Variants in SUPT16H observed in about 807,000 individuals in gnomAD.
The protein encoded by SUPT16H is FACT complex subunit SPT16.
A neutral mutation model predicts 136.2 loss-of-function variants in SUPT16H; 24 were observed. The ratio of observed to expected loss-of-function variants is 0.18; its 90% CI spans 0.13 to 0.25. The LOEUF is 0.25. Among genes scored for constraint, SUPT16H ranks in the 10% least tolerant of loss-of-function variants. The pLI, the probability that SUPT16H is intolerant of heterozygous loss-of-function variation, is 1.00. For missense variants in SUPT16H, 623 were observed against 1,270.2 expected (o/e 0.49, Z 7.74); for synonymous variants, 415 against 428.2 (o/e 0.97, Z 0.38).
chr14:21,363,387 A>T lies in SUPT16H; in HGVS notation c.1299+51T>A, dbSNP rs74034913. ...TTAATTATTTTAGCCAATATTATTT[A>T]ACTTCTTTATATCCTAAACTTCCTA... On this transcript the variant is annotated intron_variant, in intron 11 of 25. Coordinates refer to ENST00000216297, the MANE Select transcript of SUPT16H (RefSeq NM_007192.4). 6.7e-4 allele frequency: 1,084 copies of T among 1,607,134 alleles called. 4 individuals carry two copies. In the African/African-American group the frequency reaches 0.013, roughly 20 times the overall value.
In SUPT16H at chr14:21,353,857, A is replaced by G. The variant is rs1555308557; in HGVS notation, c.2791-25T>C. The G allele has an allele frequency of 1.3e-5, 20 of 1,581,348 alleles. No individual in the cohort carries two copies. The East Asian group carries it at 4.3e-4, about 34-fold the overall frequency. Reference sequence around the variant, plus strand: ...CCTGGTGAGTTAGAGCATAATACTGATTTTTTTTTGACATTTACCTTATTA... The same window carrying G: ...CCTGGTGAGTTAGAGCATAATACTGGTTTTTTTTTGACATTTACCTTATTA... On this transcript the variant is annotated intron_variant, in intron 23 of 25. Coordinates refer to ENST00000216297, the MANE Select transcript of SUPT16H (RefSeq NM_007192.4).
chr14:21,365,245 G>A (rs1886641142), intron 8 of SUPT16H, 102 bp from the exon 9 acceptor site: 1 of 1,144,482 alleles, frequency 8.7e-7, no homozygotes, highest in East Asian at 2.5e-5. Context: ...AGGCAAACAT[G>A]TTTGAAATGA....
At chr14:21,377,209 C>T (rs1886921642) in intron 1 of SUPT16H, among the ~76,000 whole-genome samples, 1 of 151,960 alleles carries the variant, frequency 6.6e-6, no homozygotes, top group African/African-American at 2.4e-5. Flanking sequence ...AAATAATGCA[C>T]CATCCTAGGA....
intron 8 of SUPT16H, 114 bp downstream of exon 8, chr14:21,366,325 T>C (rs973864486): frequency 9.5e-6 from 9 of 945,478 alleles, no homozygotes; most frequent in Non-Finnish European, 1.5e-5. Context: ...ATAGTATAGT[T>C]TGCTAGTCCA....
chr14:21,358,489 A>C, intron 19 of SUPT16H, 62 bp from the exon 20 acceptor site: 2 of 1,160,760 alleles, frequency 1.7e-6, no homozygotes, highest in Non-Finnish European at 1.3e-6. Flanking sequence ...TCCCCTCAAA[A>C]AGTCTGAAGT....
chr14:21,352,965 T>C (rs566594228), intron 25 of SUPT16H, 147 bp from the exon 26 acceptor site: 1 of 1,093,626 alleles, frequency 9.1e-7, no homozygotes, highest in Non-Finnish European at 1.3e-6. Context: ...CTTGGTTTAT[T>C]TACAAAAGGG....
At chr14:21,361,277 A>G (rs749889284) in intron 15 of SUPT16H, 64 bp from the exon 16 acceptor site, 4 of 1,504,208 alleles carry the variant, frequency 2.7e-6, no homozygotes, top group African/African-American at 1.5e-5. Context: ...GTACTGATTT[A>G]CTTTATCTTC....
intron 7 of SUPT16H, among the ~76,000 whole-genome samples, chr14:21,367,611 T>C (rs1392558636): frequency 6.6e-6 from 1 of 152,216 alleles, no homozygotes; most frequent in East Asian, 1.9e-4. Flanking sequence ...TCGTATCGTT[T>C]TGATGTAGGA....
chr14:21,361,038 C>T (rs768875506), intron 16 of SUPT16H, 40 bp downstream of exon 16: 1 of 1,611,020 alleles, frequency 6.2e-7, no homozygotes, highest in East Asian at 2.2e-5. Context: ...AATACATGTC[C>T]TTCTTTGTGT....
rs368579784 is a variant in SUPT16H, at chr14:21,352,829, G to A, written c.2999-11C>T. The A allele has an allele frequency of 6.2e-7, 1 of 1,614,014 alleles. No individual in the cohort carries two copies. Among genetic ancestry groups the A allele is most frequent in the Non-Finnish European group, 8.5e-7 (1 of 1,179,998 alleles). On this transcript the variant is annotated splice_polypyrimidine_tract_variant and intron_variant, in intron 25 of 25. Transcript: ENST00000216297. Reference sequence around the variant, plus strand: ...GACTTTCTCGGTCCGCTAAATAGAAGAGGCATTATTAGTTAGCAATAGGTA... The same window carrying A: ...GACTTTCTCGGTCCGCTAAATAGAAAAGGCATTATTAGTTAGCAATAGGTA...
In SUPT16H at chr14:21,366,424, G is replaced by C. The variant is rs1349171851; in HGVS notation, c.1046+15C>G. The C allele has an allele frequency of 6.2e-7, 1 of 1,610,862 alleles. No individual in the cohort carries two copies. The highest frequency in any genetic ancestry group is 1.7e-5 in the Admixed American group (1 of 59,508). On this transcript the variant is annotated intron_variant, in intron 8 of 25. Coordinates refer to ENST00000216297, the MANE Select transcript of SUPT16H (RefSeq NM_007192.4). ...GAAAACTGACTCAAGAATGACAATA[G>C]ACATCATGGCATACCCTAGGTTTTT...
chr14:21,372,847 A>C (rs1237518211), intron 2 of SUPT16H: 9 of 338,828 alleles, frequency 2.7e-5, no homozygotes, highest in Non-Finnish European at 5.7e-6. Context: ...AATCCAATTG[A>C]ACTTTATGTG....
chr14:21,363,019 A>G lies in SUPT16H; in HGVS notation c.1511+15T>C. The G allele has an allele frequency of 6.2e-7, 1 of 1,614,044 alleles. No homozygotes were observed. Among genetic ancestry groups the G allele is most frequent in the Non-Finnish European group, 8.5e-7 (1 of 1,180,006 alleles). Reference sequence around the variant, plus strand: ...GAACCCTCAGATGATCTCACTGCTCAGTGAAAACTCTTACTTCTGAATCTG... The same window carrying G: ...GAACCCTCAGATGATCTCACTGCTCGGTGAAAACTCTTACTTCTGAATCTG... On this transcript the variant is annotated intron_variant, in intron 13 of 25. Coordinates refer to ENST00000216297, the MANE Select transcript of SUPT16H (RefSeq NM_007192.4).
chr14:21,365,001 T>G (rs1318585731), intron 9 of SUPT16H, 62 bp from the exon 10 acceptor site: 1 of 1,606,388 alleles, frequency 6.2e-7, no homozygotes, highest in Non-Finnish European at 8.5e-7. Context: ...GTGAGACATA[T>G]GCCTAAAAGA....
intron 1 of SUPT16H, chr14:21,383,650 G>A (rs1389259485): frequency 4.2e-6 from 3 of 713,650 alleles, no homozygotes; most frequent in South Asian, 1.5e-5. Flanking sequence ...GGGGAAGATG[G>A]TGATGGCCGC....
intron 18 of SUPT16H, 87 bp downstream of exon 18, chr14:21,360,328 C>G: frequency 9.0e-7 from 1 of 1,112,988 alleles, no homozygotes. Context: ...GCGCCCAGCC[C>G]TTTCATCACT....
At chr14:21,371,105 G>A (rs1396359480) in intron 3 of SUPT16H, among the ~76,000 whole-genome samples, 1 of 151,430 alleles carries the variant, frequency 6.6e-6, no homozygotes, top group African/African-American at 2.4e-5. Flanking sequence ...TGGAACTCCT[G>A]CGCTCAAGTG....
intron 15 of SUPT16H, 138 bp downstream of exon 15, chr14:21,362,059 G>A (rs1026209246): frequency 1.9e-5 from 19 of 1,003,146 alleles, no homozygotes; most frequent in Admixed American, 3.1e-5. Context: ...AAGTCAAGAA[G>A]GCGATCCGAA....
intron 20 of SUPT16H, 107 bp from the exon 21 acceptor site, chr14:21,358,109 C>G: frequency 2.0e-6 from 2 of 1,019,758 alleles, no homozygotes; most frequent in Non-Finnish European, 3.0e-6. Context: ...CCAGCATACT[C>G]ACTGGAGACT....
Sources: allele counts gnomAD v4.1 joint callset (sites outside exome capture counted in the v4.1 genomes callset), GRCh38; gene constraint gnomAD v4.1.1; transcripts MANE v1.5; gene names NCBI Gene and HGNC (gene_info 2026-07-23, HGNC 2026-07-21).